Variants in SNX31 observed in about 807,000 individuals in gnomAD.
The protein encoded by SNX31 is sorting nexin 31.
SNX31 carries 58 observed loss-of-function variants against 65.4 expected under a neutral mutation model. The ratio of observed to expected loss-of-function variants is 0.89; its 90% CI spans 0.72 to 1.10. SNX31 has a LOEUF of 1.10. Ranked by LOEUF, SNX31 falls within the 50% of genes least tolerant of loss-of-function variation. The probability of loss-of-function intolerance (pLI) is 0.00; values close to 1 mark genes in which losing one functional copy is unlikely to be tolerated. For missense variants in SNX31, 523 were observed against 529.7 expected (o/e 0.99, Z 0.12); for synonymous variants, 181 against 190.1 (o/e 0.95, Z 0.39).
chr8:100,618,596 C>T, intron 4 of SNX31: 1 of 537,654 alleles, frequency 1.9e-6, no homozygotes, highest in South Asian at 2.6e-5. Flanking sequence ...AAGTTACCCA[C>T]ATTTCTGCCC....
intron 1 of SNX31, among the ~76,000 whole-genome samples, chr8:100,655,328 A>C (rs1232060813): frequency 6.6e-6 from 1 of 152,162 alleles, no homozygotes; most frequent in Non-Finnish European, 1.5e-5. Flanking sequence ...TAAAAGAAAC[A>C]AAAAGCCAGG....
intron 10 of SNX31, among the ~76,000 whole-genome samples, chr8:100,590,664 C>A (rs897019088): frequency 1.3e-5 from 2 of 152,188 alleles, no homozygotes; most frequent in African/African-American, 4.8e-5. Context: ...TGCCTGTAAT[C>A]CCAGCTACTC....
intron 13 of SNX31, among the ~76,000 whole-genome samples, chr8:100,574,252 C>CT (rs368048656): frequency 3.3e-5 from 5 of 152,354 alleles, no homozygotes; most frequent in African/African-American, 1.2e-4. Flanking sequence ...TGTCTTGCCT[C>CT]TTTCCCCTCT....
At chr8:100,631,378 T>G (rs1254095409) in intron 3 of SNX31, among the ~76,000 whole-genome samples, 3 of 151,920 alleles carry the variant, frequency 2.0e-5, no homozygotes, top group Non-Finnish European at 4.4e-5. Context: ...CAGCTACACT[T>G]ACATACTTAC....
chr8:100,646,446 A>G (rs7846171), intron 2 of SNX31, among the ~76,000 whole-genome samples: 9,996 of 152,300 alleles, frequency 0.066, 454 homozygotes, highest in Non-Finnish European at 0.095. Flanking sequence ...TAAAGGTGTC[A>G]GACTCTCTGT....
rs1815991583 is a variant in SNX31 at position 100,604,848 on chromosome 8, A to T, written c.681+3646T>A. On this transcript the variant is annotated intron_variant, in intron 8 of 13. Transcript: ENST00000311812. The surrounding 1 kb of genome is among the most constrained non-coding windows in gnomAD (Gnocchi z 4.3). ...TTATGATGGATCCATTATTTATCAC[A>T]ACTCAAGAGCTTTTCATGTTAACTT... 6.6e-6 allele frequency among the ~76,000 whole-genome samples: 1 copy of T among 152,144 alleles called. No individual in the cohort carries two copies. The highest frequency in any genetic ancestry group is 6.5e-5 in the Admixed American group (1 of 15,276).
chr8:100,653,354 A>G (rs925635604), upstream of SNX31, among the ~76,000 whole-genome samples: 1 of 152,240 alleles, frequency 6.6e-6, no homozygotes, highest in African/African-American at 2.4e-5. Context: ...AGTTGGTTGA[A>G]TAGTGTCCTG....
At position 100,589,075 on chromosome 8, in the gene SNX31, C is replaced by G. The variant is rs542991990; in HGVS notation, c.979-96G>C. The G allele has an allele frequency of 1.7e-5, 15 of 859,992 alleles. 1 individual carries two copies. In the African/African-American group the frequency reaches 2.5e-4, roughly 15 times the overall value. 53.3% of individuals were successfully genotyped at this position (859,992 alleles called of 1,614,324 possible). On this transcript the variant is annotated intron_variant, in intron 10 of 13. Coordinates refer to ENST00000311812, the MANE Select transcript of SNX31 (RefSeq NM_152628.4). ...CACCTGAAATCCCAGCTGAGGCGGGCAGATCGCCTGAGGTCAGGAGTTCGA... is the reference window on the plus strand; with the variant it reads ...CACCTGAAATCCCAGCTGAGGCGGGGAGATCGCCTGAGGTCAGGAGTTCGA...
chr8:100,651,701 C>T (rs930374929), upstream of SNX31, among the ~76,000 whole-genome samples: 1 of 152,202 alleles, frequency 6.6e-6, no homozygotes, highest in African/African-American at 2.4e-5. Context: ...ATGGTAGCAG[C>T]GATTGGAGGC....
At chr8:100,616,130 G>T (rs1586961586) in intron 5 of SNX31, among the ~76,000 whole-genome samples, 1 of 152,124 alleles carries the variant, frequency 6.6e-6, no homozygotes, top group Non-Finnish European at 1.5e-5. Flanking sequence ...AAACTTATGG[G>T]ACCACCATTG....
intron 9 of SNX31, among the ~76,000 whole-genome samples, chr8:100,597,300 G>A (rs534964390): frequency 8.3e-4 from 126 of 151,844 alleles, no homozygotes; most frequent in South Asian, 2.3e-3. Context: ...GGCGTGCTGC[G>A]GCACGATCTC....
chr8:100,603,596 C>T lies in SNX31; in HGVS notation c.682-3155G>A, dbSNP rs112665609. Among the ~76,000 whole-genome samples, 1,299 of 151,478 alleles carry T rather than the reference C, an allele frequency of 8.6e-3. 21 individuals carry two copies. Among genetic ancestry groups the T allele is most frequent in the African/African-American group, 0.03 (1,238 of 41,266 alleles). ...GATTACAGGCATGCGTCACCATGCC[C>T]GGCTAATTTTTTGTCTTTTTAGTAG... On this transcript the variant is annotated intron_variant, in intron 8 of 13. Coordinates refer to ENST00000311812, the MANE Select transcript of SNX31 (RefSeq NM_152628.4).
At chr8:100,623,491 AG>A (rs1817842886) in intron 4 of SNX31, among the ~76,000 whole-genome samples, 1 of 152,120 alleles carries the variant, frequency 6.6e-6, no homozygotes, top group African/African-American at 2.4e-5. Flanking sequence ...CCAGGACTCC[AG>A]CCACACTCTC....
intron 13 of SNX31, 117 bp from the exon 14 acceptor site, chr8:100,574,077 A>T (rs1812834766): frequency 1.8e-6 from 1 of 562,112 alleles, no homozygotes; most frequent in Non-Finnish European, 3.0e-6. Context: ...TTACATTTGT[A>T]TAAGCAATGG....
In SNX31 at chr8:100,636,051, C is replaced by T. The variant is rs755031714; in HGVS notation, c.142-40G>A. The T allele has an allele frequency of 4.0e-6, 6 of 1,487,710 alleles. No individual in the cohort carries two copies. The East Asian group carries it at 1.4e-4, about 34-fold the overall frequency. The allele number at this position is 1,487,710 out of a possible 1,614,324, so 92.2% of individuals were successfully genotyped here. A position where few individuals can be genotyped will look rare whatever the true frequency, so the allele number is the denominator to read the frequency against. On this transcript the variant is annotated intron_variant, in intron 2 of 13. Coordinates refer to ENST00000311812, the MANE Select transcript of SNX31 (RefSeq NM_152628.4). ...AAACACAGTTAAGGCAGGTGAGCCG[C>T]CAGTTCAGGGTTGATGAGATTACTA...
At chr8:100,577,168 A>G in intron 12 of SNX31, 93 bp from the exon 13 acceptor site, 1 of 1,085,058 alleles carries the variant, frequency 9.2e-7, no homozygotes, top group Non-Finnish European at 1.4e-6. Flanking sequence ...TTCCACGATA[A>G]TCCTCTTAAT....
At chr8:100,600,101 G>A (rs1586903708) in intron 9 of SNX31, among the ~76,000 whole-genome samples, 2 of 152,096 alleles carry the variant, frequency 1.3e-5, no homozygotes, top group African/African-American at 4.8e-5. Flanking sequence ...AAAATAATGC[G>A]GAGGATCTAT....
chr8:100,592,511 C>T (rs912239933), intron 10 of SNX31, among the ~76,000 whole-genome samples: 18 of 152,268 alleles, frequency 1.2e-4, no homozygotes, highest in African/African-American at 4.3e-4. Context: ...TCAAAACCCT[C>T]CACTGCTGCT....
At chr8:100,618,360 A>G (rs1477314939) in intron 4 of SNX31, 14 of 1,533,624 alleles carry the variant, frequency 9.1e-6, no homozygotes, top group Non-Finnish European at 1.2e-5. Context: ...AGCATCCCTA[A>G]AGCCCATATC....
Sources: allele counts gnomAD v4.1 joint callset (sites outside exome capture counted in the v4.1 genomes callset), GRCh38; gene constraint gnomAD v4.1.1; non-coding constraint Gnocchi (gnomAD v3.1); transcripts MANE v1.5; gene names NCBI Gene and HGNC (gene_info 2026-07-23, HGNC 2026-07-21).